KDM4C: variants seen among roughly 807,000 people sequenced by gnomAD.
KDM4C encodes the protein lysine-specific demethylase 4C.
A neutral mutation model predicts 129.3 loss-of-function variants in KDM4C; 81 were observed. The observed-to-expected ratio is 0.63, with a 90% CI of 0.52 to 0.75. The LOEUF is 0.75. Ranked by LOEUF, KDM4C falls within the 30% of genes least tolerant of loss-of-function variation. KDM4C has a pLI of 0.00. For synonymous variants in KDM4C, 573 were observed against 456.1 expected (o/e 1.26, Z -3.26); for missense variants, 1,457 against 1,304.0 (o/e 1.12, Z -1.81).
At chr9:6,902,282 C>G (rs1817542973) in intron 8 of KDM4C, among the ~76,000 whole-genome samples, 1 of 151,934 alleles carries the variant, frequency 6.6e-6, no homozygotes, top group African/African-American at 2.4e-5. Flanking sequence ...GTAAACATGC[C>G]CAGTAGTACT....
Position 6,758,054 on chromosome 9 carries a change from G to A in KDM4C, c.-167G>A. ...GGGTGAGGCGCGGCGCAGTGATCGG[G>A]CGGCCGGGGTCCTGTGCGCGTGCGC... On this transcript the variant is annotated 5_prime_UTR_variant, in exon 1 of 22. Transcript: ENST00000381309. The surrounding 1 kb of genome is among the most constrained non-coding windows in gnomAD (Gnocchi z 4.6). The A allele has an allele frequency of 1.0e-6, 1 of 985,500 alleles. No homozygotes were observed. The highest frequency in any genetic ancestry group is 1.2e-6 in the Non-Finnish European group (1 of 829,976). 61.0% of individuals were successfully genotyped at this position (985,500 alleles called of 1,614,324 possible). A position where few individuals can be genotyped will look rare whatever the true frequency, so the allele number is the denominator to read the frequency against.
intron 4 of KDM4C, among the ~76,000 whole-genome samples, chr9:6,823,661 C>T (rs1833404195): frequency 6.6e-6 from 1 of 152,202 alleles, no homozygotes; most frequent in Admixed American, 6.5e-5. Context: ...TCTCCTGTAC[C>T]AGCCAGATAA....
At chr9:6,813,598 C>T (rs1264254762) in intron 3 of KDM4C, among the ~76,000 whole-genome samples, 1 of 151,986 alleles carries the variant, frequency 6.6e-6, no homozygotes, top group Non-Finnish European at 1.5e-5. Context: ...TTTAACTTTG[C>T]TTCATTATAT....
chr9:6,842,813 T>C (rs1837209038), intron 4 of KDM4C, among the ~76,000 whole-genome samples: 1 of 152,182 alleles, frequency 6.6e-6, no homozygotes, highest in African/African-American at 2.4e-5. Context: ...TTTTGACATA[T>C]ACCTGGCTGC....
intron 3 of KDM4C, among the ~76,000 whole-genome samples, chr9:6,812,694 C>G (rs149459085): frequency 1.3e-5 from 2 of 152,070 alleles, no homozygotes; most frequent in African/African-American, 4.8e-5. Flanking sequence ...GGCCGCGGAC[C>G]CCTACTGGGG....
chr9:6,950,088 T>TC (rs398113186), intron 8 of KDM4C, among the ~76,000 whole-genome samples: 4 of 150,894 alleles, frequency 2.7e-5, no homozygotes, highest in African/African-American at 9.7e-5. Flanking sequence ...TTTTTTTTTT[T>TC]CCTCAAGCTT....
intron 8 of KDM4C, among the ~76,000 whole-genome samples, chr9:6,917,038 G>T (rs140140476): frequency 0.014 from 2,198 of 151,984 alleles, 56 homozygotes; most frequent in African/African-American, 0.05. Context: ...TGTTTTTTTT[G>T]TTGTTGTTGT....
intron 17 of KDM4C, among the ~76,000 whole-genome samples, chr9:7,060,942 C>T (rs62536961): frequency 0.14 from 22,049 of 152,200 alleles, 2,114 homozygotes; most frequent in South Asian, 0.38. Context: ...ACTTCCCTTT[C>T]CTCAAAGGAA....
Position 6,990,633 on chromosome 9 carries a change from C to T in KDM4C, c.1786+109C>T, listed in dbSNP as rs146647165. 48 of 675,164 alleles carry T rather than the reference C, an allele frequency of 7.1e-5. No individual in the cohort carries two copies. The East Asian group carries it at 1.1e-3, about 15-fold the overall frequency. 41.8% of individuals were successfully genotyped at this position (675,164 alleles called of 1,614,324 possible). A position where few individuals can be genotyped will look rare whatever the true frequency, so the allele number is the denominator to read the frequency against. ...AAAAAAATTCAACAAGTAGCAAATA[C>T]GTACTATTAGGAGATCATACATAAT... On this transcript the variant is annotated intron_variant, in intron 12 of 21. Transcript: ENST00000381309.
chr9:7,005,000 C>A (rs1244626647), intron 12 of KDM4C, among the ~76,000 whole-genome samples: 10 of 152,168 alleles, frequency 6.6e-5, no homozygotes, highest in Admixed American at 2.6e-4. Context: ...ATGGCCCCGA[C>A]CAGCCAGCGA....
chr9:6,833,405 T>G (rs1482697116), intron 4 of KDM4C, among the ~76,000 whole-genome samples: 2 of 152,132 alleles, frequency 1.3e-5, no homozygotes, highest in African/African-American at 4.8e-5. Flanking sequence ...AGAGGGAAGT[T>G]TCTCCCTCCC....
At chr9:7,109,818 G>A (rs369756761) in intron 18 of KDM4C, among the ~76,000 whole-genome samples, 2 of 152,084 alleles carry the variant, frequency 1.3e-5, no homozygotes, top group South Asian at 4.2e-4. Flanking sequence ...TAAATGGTTT[G>A]GCTGTGTCCC....
chr9:6,930,572 CTA>C (rs1429673584), intron 8 of KDM4C, among the ~76,000 whole-genome samples: 1 of 147,604 alleles, frequency 6.8e-6, no homozygotes, highest in Non-Finnish European at 1.5e-5. Flanking sequence ...TATATGTTAT[CTA>C]TAACATGTTA....
intron 8 of KDM4C, among the ~76,000 whole-genome samples, chr9:6,947,404 A>G (rs1479718353): frequency 2.0e-5 from 3 of 152,010 alleles, no homozygotes; most frequent in Non-Finnish European, 4.4e-5. Context: ...GTTAGCATTA[A>G]TGCTTTCTTA....
At chr9:6,876,665 G>A (rs1465903477) in intron 5 of KDM4C, among the ~76,000 whole-genome samples, 2 of 152,200 alleles carry the variant, frequency 1.3e-5, no homozygotes, top group African/African-American at 2.4e-5. Context: ...GTGCCGTGGT[G>A]TAGGGTTAGC....
rs188120951 is a variant in KDM4C at position 6,962,581 on chromosome 9, T to C, written c.922-18344T>C. Among the ~76,000 whole-genome samples, 346 of 152,288 alleles carry C rather than the reference T, an allele frequency of 2.3e-3. 2 individuals are homozygous for C. The highest frequency in any genetic ancestry group is 3.8e-3 in the Non-Finnish European group (261 of 68,026). On this transcript the variant is annotated intron_variant, in intron 8 of 21. Transcript: ENST00000381309. ...ATAAATGTTTTCAGCATTTACATTT[T>C]CACATAGTAAATTTTTTATAGTCAA...
At chr9:7,101,727 A>T (rs921116968) in intron 17 of KDM4C, among the ~76,000 whole-genome samples, 5 of 152,190 alleles carry the variant, frequency 3.3e-5, no homozygotes, top group Non-Finnish European at 5.9e-5. Context: ...GGAGGTTGGG[A>T]GATACCAATG....
chr9:6,845,601 C>G (rs1228570227), intron 4 of KDM4C, among the ~76,000 whole-genome samples: 2 of 152,148 alleles, frequency 1.3e-5, no homozygotes, highest in South Asian at 2.1e-4. Flanking sequence ...ATAAAGTTCT[C>G]AGTTACACCT....
intron 15 of KDM4C, among the ~76,000 whole-genome samples, chr9:7,034,194 T>G (rs889026102): frequency 6.6e-6 from 1 of 152,234 alleles, no homozygotes; most frequent in African/African-American, 2.4e-5. Flanking sequence ...CAAACATTTA[T>G]CATTTCTTGA....
Sources: gnomAD v4.1 joint callset for allele counts (sites outside exome capture counted in the v4.1 genomes callset) on GRCh38, gnomAD v4.1.1 for gene constraint, Gnocchi (gnomAD v3.1) non-coding constraint, MANE v1.5 for transcripts, NCBI Gene and HGNC (gene_info 2026-07-23, HGNC 2026-07-21) for gene names.